The following SGCZ variants were observed in gnomAD, a reference collection of about 807,000 sequenced individuals.
SGCZ encodes the protein sarcoglycan zeta.
SGCZ carries 40 observed loss-of-function variants against 41.3 expected under a neutral mutation model. The observed-to-expected ratio is 0.97, with a 90% confidence interval of 0.75 to 1.26. The LOEUF is 1.26. Among genes scored for constraint, SGCZ ranks in the 50% most tolerant of loss-of-function variants. The probability of loss-of-function intolerance (pLI) is 0.00; values close to 1 mark genes in which losing one functional copy is unlikely to be tolerated. For missense variants in SGCZ, 552 were observed against 369.8 expected, an observed-to-expected ratio of 1.49 and a Z score of -4.04; for synonymous variants, 206 against 137.5, an observed-to-expected ratio of 1.50 and a Z score of -3.49.
chr8:14,121,544 G>T (rs928259424), intron 5 of SGCZ, among the ~76,000 whole-genome samples: 18 of 151,956 alleles, frequency 1.2e-4, no homozygotes, highest in African/African-American at 4.3e-4. Context: ...TTTTGGTATT[G>T]CCGTTATTAT....
intron 1 of SGCZ, among the ~76,000 whole-genome samples, chr8:14,987,307 G>A (rs995331649): frequency 4.0e-5 from 6 of 151,756 alleles, no homozygotes; most frequent in African/African-American, 1.5e-4. Flanking sequence ...AACTTATCCA[G>A]GAGAGGAAAT....
chr8:15,177,551 A>G (rs944202354), intron 1 of SGCZ, among the ~76,000 whole-genome samples: 5 of 152,208 alleles, frequency 3.3e-5, no homozygotes, highest in Non-Finnish European at 5.9e-5. Flanking sequence ...AAAAAGAAAG[A>G]AAATAGAAGA....
chr8:14,141,871 G>A (rs538920788), intron 5 of SGCZ, among the ~76,000 whole-genome samples: 1 of 152,270 alleles, frequency 6.6e-6, no homozygotes, highest in African/African-American at 2.4e-5. Flanking sequence ...GCACACGTAT[G>A]TTTATTGTGG....
chr8:14,794,093 T>C (rs990168860), intron 1 of SGCZ, among the ~76,000 whole-genome samples: 2 of 152,124 alleles, frequency 1.3e-5, no homozygotes, highest in Admixed American at 6.6e-5. Flanking sequence ...ACAAAGATCA[T>C]CTTCAAGGAA....
intron 1 of SGCZ, among the ~76,000 whole-genome samples, chr8:15,040,955 C>T (rs1391732041): frequency 1.3e-5 from 2 of 151,670 alleles, no homozygotes; most frequent in East Asian, 3.9e-4. Context: ...GTGTCTAATA[C>T]GTTTATCTAC....
chr8:14,743,260 T>C (rs1345310966), intron 1 of SGCZ, among the ~76,000 whole-genome samples: 1 of 152,064 alleles, frequency 6.6e-6, no homozygotes, highest in African/African-American at 2.4e-5. Context: ...ATTTTACCTT[T>C]ATTACTGAAC....
intron 3 of SGCZ, among the ~76,000 whole-genome samples, chr8:14,287,316 A>G (rs1042210868): frequency 7.9e-5 from 12 of 151,964 alleles, no homozygotes; most frequent in African/African-American, 2.9e-4. Context: ...ACTGGGTGTT[A>G]TGTGTCAGTT....
At chr8:15,041,298 T>C (rs1340289736) in intron 1 of SGCZ, among the ~76,000 whole-genome samples, 1 of 151,960 alleles carries the variant, frequency 6.6e-6, no homozygotes, top group Non-Finnish European at 1.5e-5. Flanking sequence ...GGAACCCTTG[T>C]TTACATATTT....
intron 1 of SGCZ, among the ~76,000 whole-genome samples, chr8:15,042,374 GAGTA>G (rs796815574): frequency 5.2e-4 from 79 of 152,268 alleles, no homozygotes; most frequent in African/African-American, 1.8e-3. Flanking sequence ...ATTTCTGATA[GAGTA>G]AGTAAGGTTT....
chr8:14,683,020 G>T (rs538486447), intron 1 of SGCZ, among the ~76,000 whole-genome samples: 1 of 152,210 alleles, frequency 6.6e-6, no homozygotes, highest in South Asian at 2.1e-4. Context: ...TAATTTAATA[G>T]AACCAGGTGT....
intron 1 of SGCZ, among the ~76,000 whole-genome samples, chr8:14,616,853 A>G (rs75409115): frequency 0.1 from 15,878 of 152,190 alleles, 938 homozygotes; most frequent in African/African-American, 0.17. Flanking sequence ...GTCTATTTTT[A>G]CATGTCCTCA....
intron 5 of SGCZ, among the ~76,000 whole-genome samples, chr8:14,157,806 T>C (rs1156458212): frequency 6.6e-6 from 1 of 152,162 alleles, no homozygotes; most frequent in African/African-American, 2.4e-5. Context: ...GCTCAAATTA[T>C]ATAAAGTTTA....
At chr8:14,604,830 G>A (rs901840150) in intron 1 of SGCZ, among the ~76,000 whole-genome samples, 15 of 152,234 alleles carry the variant, frequency 9.9e-5, no homozygotes, top group South Asian at 6.2e-4. Context: ...ACACCACAGC[G>A]TTATACTGCC....
chr8:15,211,048 GATAGATATAGATATAC>G (rs1217255784), intron 1 of SGCZ, among the ~76,000 whole-genome samples: 155 of 142,858 alleles, frequency 1.1e-3, no homozygotes, highest in African/African-American at 3.9e-3. Flanking sequence ...TATAGATATA[GATAGATATAGATATAC>G]ATAGATATAT....
chr8:15,116,337 T>C (rs1807267062), intron 1 of SGCZ, among the ~76,000 whole-genome samples: 1 of 152,238 alleles, frequency 6.6e-6, no homozygotes, highest in South Asian at 2.1e-4. Flanking sequence ...ACTTTCTGCC[T>C]TAAATCTTAC....
intron 1 of SGCZ, among the ~76,000 whole-genome samples, chr8:15,021,383 G>C (rs1303010739): frequency 6.6e-6 from 1 of 152,188 alleles, no homozygotes; most frequent in Non-Finnish European, 1.5e-5. Flanking sequence ...ATGTGTGAAA[G>C]GGCCCGTTCA....
chr8:14,237,391 G>A (rs541688532), intron 4 of SGCZ, among the ~76,000 whole-genome samples: 1 of 151,852 alleles, frequency 6.6e-6, no homozygotes, highest in African/African-American at 2.4e-5. Context: ...AGCACAGTAG[G>A]CCAGATGACC....
At chr8:14,590,098 G>A (rs888817732) in intron 1 of SGCZ, among the ~76,000 whole-genome samples, 2 of 142,610 alleles carry the variant, frequency 1.4e-5, no homozygotes, top group Admixed American at 7.1e-5. Context: ...GATGAGGATT[G>A]TTCTTTGGTA....
In SGCZ at chr8:14,407,020, C is replaced by T. The variant is rs1415298896; in HGVS notation, c.235-82816G>A. Among the ~76,000 whole-genome samples, 5 of 148,826 alleles carry T rather than the reference C, an allele frequency of 3.4e-5. No homozygotes were observed. In the East Asian group the frequency reaches 8.0e-4, roughly 24 times the overall value. The stretch of plus-strand genomic sequence containing the variant: ...ATTTTGGAGCCTGCCTGTCCTGCAT[C>T]AATATGAATATAAATAAGACAAATT... On this transcript the variant is annotated intron_variant, in intron 2 of 7. Coordinates refer to ENST00000382080, the MANE Select transcript of SGCZ (RefSeq NM_139167.4).
Sources: gnomAD v4.1 joint callset for allele counts (sites outside exome capture counted in the v4.1 genomes callset) on GRCh38, gnomAD v4.1.1 for gene constraint, MANE v1.5 for transcripts, NCBI Gene and HGNC (gene_info 2026-07-23, HGNC 2026-07-21) for gene names.